Variants in PTPRM observed in about 807,000 individuals in gnomAD.
PTPRM encodes the protein receptor-type tyrosine-protein phosphatase mu.
In PTPRM, 47 loss-of-function variants were observed where a neutral mutation model predicts 186.7. That is an observed-to-expected ratio of 0.25 (90% CI 0.20 to 0.32). The LOEUF is 0.32. Ranked by LOEUF, PTPRM falls within the 10% of genes least tolerant of loss-of-function variation. PTPRM has a pLI of 1.00. For synonymous variants in PTPRM, 668 were observed against 674.9 expected (o/e 0.99, Z 0.16); for missense variants, 1,494 against 1,865.0 (o/e 0.80, Z 3.66).
At chr18:8,163,277 T>C (rs1257055402) in intron 14 of PTPRM, among the ~76,000 whole-genome samples, 1 of 152,236 alleles carries the variant, frequency 6.6e-6, no homozygotes, top group African/African-American at 2.4e-5. Context: ...ACTTCCTAAC[T>C]TCTAAAGTTG....
At chr18:7,928,036 C>A (rs28704912) in intron 5 of PTPRM, among the ~76,000 whole-genome samples, 20,287 of 152,174 alleles carry the variant, frequency 0.13, 1,648 homozygotes, top group Middle Eastern at 0.27. Context: ...GCCACTGCAC[C>A]CAGCCCAGTA....
chr18:8,318,651 A>G (rs2095326618), intron 21 of PTPRM, among the ~76,000 whole-genome samples: 1 of 152,150 alleles, frequency 6.6e-6, no homozygotes, highest in Admixed American at 6.5e-5. Context: ...GGTCATGATA[A>G]AAGGAAGGAA....
intron 2 of PTPRM, among the ~76,000 whole-genome samples, chr18:7,819,584 C>G (rs1343658908): frequency 2.0e-5 from 3 of 152,204 alleles, no homozygotes; most frequent in Non-Finnish European, 4.4e-5. Flanking sequence ...ACCTCGTCCT[C>G]ATTCTCCAAG....
chr18:8,192,937 G>GCTTCA (rs2093728272), intron 14 of PTPRM, among the ~76,000 whole-genome samples: 1 of 152,144 alleles, frequency 6.6e-6, no homozygotes, highest in Non-Finnish European at 1.5e-5. Flanking sequence ...TAGTGATACA[G>GCTTCA]CTTCACATTA....
At chr18:7,784,906 C>T (rs1568127081) in intron 2 of PTPRM, among the ~76,000 whole-genome samples, 1 of 152,088 alleles carries the variant, frequency 6.6e-6, no homozygotes, top group Non-Finnish European at 1.5e-5. Context: ...GAGGCTGCCA[C>T]CCAGTTGGAG....
chr18:7,638,740 C>A (rs2144152168), intron 1 of PTPRM, among the ~76,000 whole-genome samples: 1 of 152,306 alleles, frequency 6.6e-6, no homozygotes, highest in East Asian at 1.9e-4. Flanking sequence ...AACAGATAGG[C>A]TGGAGCCTGC....
intron 32 of PTPRM, among the ~76,000 whole-genome samples, chr18:8,398,538 G>A (rs2095855934): frequency 6.6e-6 from 1 of 152,058 alleles, no homozygotes; most frequent in African/African-American, 2.4e-5. Context: ...GGCCGAGGTG[G>A]GCAGATCACC....
At chr18:7,834,501 C>CACACAT (rs2045931843) in intron 2 of PTPRM, among the ~76,000 whole-genome samples, 1 of 140,254 alleles carries the variant, frequency 7.1e-6, no homozygotes, top group Admixed American at 6.9e-5. Flanking sequence ...TACACACACA[C>CACACAT]ACACACACAC....
chr18:8,281,524 G>A (rs180857664), intron 19 of PTPRM, among the ~76,000 whole-genome samples: 30 of 152,256 alleles, frequency 2.0e-4, no homozygotes, highest in Admixed American at 5.9e-4. Context: ...CTGTGATGAC[G>A]GAGGAATAGG....
chr18:8,040,354 G>C (rs1315480503), intron 7 of PTPRM, among the ~76,000 whole-genome samples: 1 of 152,122 alleles, frequency 6.6e-6, no homozygotes, highest in African/African-American at 2.4e-5. Context: ...GCTTCCTGTA[G>C]GATGGTTGGG....
At chr18:8,198,370 A>G (rs749508704) in intron 14 of PTPRM, among the ~76,000 whole-genome samples, 8 of 152,170 alleles carry the variant, frequency 5.3e-5, no homozygotes, top group Non-Finnish European at 7.3e-5. Flanking sequence ...GCTGGTCTCA[A>G]ACTCCTAGGC....
At chr18:8,237,398 AG>A (rs1895389983) in intron 14 of PTPRM, among the ~76,000 whole-genome samples, 1 of 141,896 alleles carries the variant, frequency 7.0e-6, no homozygotes, top group Non-Finnish European at 1.5e-5. Context: ...AATATTTTGT[AG>A]AAGGCAGATC....
intron 2 of PTPRM, among the ~76,000 whole-genome samples, chr18:7,809,326 A>G (rs561382807): frequency 9.2e-5 from 14 of 152,252 alleles, no homozygotes; most frequent in African/African-American, 3.1e-4. Context: ...GTAGGGCTCC[A>G]TGAGTTAGTT....
At chr18:7,791,165 A>G (rs2043324142) in intron 2 of PTPRM, among the ~76,000 whole-genome samples, 2 of 152,226 alleles carry the variant, frequency 1.3e-5, no homozygotes, top group African/African-American at 4.8e-5. Context: ...TGGTTATTTC[A>G]TATATGTCTA....
intron 1 of PTPRM, among the ~76,000 whole-genome samples, chr18:7,717,717 A>C (rs552974590): frequency 6.6e-6 from 1 of 152,296 alleles, no homozygotes; most frequent in East Asian, 1.9e-4. Context: ...GTGGCAGGCA[A>C]TCCTGCCTGG....
chr18:7,621,842 T>A (rs1176281698), intron 1 of PTPRM, among the ~76,000 whole-genome samples: 6 of 152,240 alleles, frequency 3.9e-5, no homozygotes, highest in Non-Finnish European at 4.4e-5. Flanking sequence ...ATCATCTGTA[T>A]GTACCACAGT....
chr18:7,803,148 C>T (rs1306316022), intron 2 of PTPRM, among the ~76,000 whole-genome samples: 1 of 152,136 alleles, frequency 6.6e-6, no homozygotes, highest in African/African-American at 2.4e-5. Context: ...TAACAAGTTA[C>T]CACACACTTT....
At chr18:8,147,788 T>C (rs2092919393) in intron 14 of PTPRM, among the ~76,000 whole-genome samples, 1 of 152,240 alleles carries the variant, frequency 6.6e-6, no homozygotes, top group African/African-American at 2.4e-5. Context: ...GGGTTTGTCA[T>C]AAATAGCTCT....
At chr18:8,092,478 A>G (rs904985767) in intron 11 of PTPRM, among the ~76,000 whole-genome samples, 1 of 152,070 alleles carries the variant, frequency 6.6e-6, no homozygotes, top group African/African-American at 2.4e-5. Context: ...TAGTGGTGCA[A>G]TTGTAGCTCA....
Sources: gnomAD v4.1 joint callset for allele counts (sites outside exome capture counted in the v4.1 genomes callset) on GRCh38, gnomAD v4.1.1 for gene constraint, MANE v1.5 for transcripts, NCBI Gene and HGNC (gene_info 2026-07-23, HGNC 2026-07-21) for gene names.